Variants in GABRG2 observed in about 807,000 individuals in gnomAD.
The protein encoded by GABRG2 is gamma-aminobutyric acid receptor subunit gamma-2.
GABRG2 carries 16 observed loss-of-function variants against 56.4 expected under a neutral mutation model. The ratio of observed to expected loss-of-function variants is 0.28; its 90% confidence interval spans 0.19 to 0.43. The LOEUF (loss-of-function observed/expected upper bound fraction) is 0.43, where lower values mean the gene tolerates loss of function less well. GABRG2 is among the 20% of genes least tolerant of loss of function. GABRG2 has a pLI of 1.00. For missense variants in GABRG2, 327 were observed against 582.7 expected (o/e 0.56, Z 4.52); for synonymous variants, 208 against 205.5 (o/e 1.01, Z -0.10).
At chr5:162,071,186 C>A (rs916153191) in intron 1 of GABRG2, among the ~76,000 whole-genome samples, 1 of 151,124 alleles carries the variant, frequency 6.6e-6, no homozygotes, top group Non-Finnish European at 1.5e-5. Flanking sequence ...ATATATACCA[C>A]ATATATATGC....
intron 6 of GABRG2, among the ~76,000 whole-genome samples, chr5:162,109,387 A>ATTT (rs1268952377): frequency 1.5e-4 from 8 of 53,720 alleles, no homozygotes; most frequent in African/African-American, 6.0e-4. Context: ...AACTTAAAGT[A>ATTT]TAATATATAT....
At chr5:162,127,826 C>T (rs1200939162) in intron 6 of GABRG2, among the ~76,000 whole-genome samples, 1 of 151,968 alleles carries the variant, frequency 6.6e-6, no homozygotes, top group Non-Finnish European at 1.5e-5. Context: ...AACTGACGAT[C>T]GAAGGATTTC....
intron 6 of GABRG2, among the ~76,000 whole-genome samples, chr5:162,123,402 T>A (rs1419365816): frequency 4.6e-5 from 7 of 151,832 alleles, no homozygotes; most frequent in Admixed American, 4.6e-4. Flanking sequence ...TTTTGCATGA[T>A]GATGGTATTG....
chr5:162,097,224 C>A (rs1356386752), intron 3 of GABRG2, among the ~76,000 whole-genome samples: 2 of 152,092 alleles, frequency 1.3e-5, no homozygotes, highest in Non-Finnish European at 2.9e-5. Context: ...CATTACTTGG[C>A]AGGATTGAGT....
chr5:162,130,205 G>C (rs1763637587), intron 6 of GABRG2, among the ~76,000 whole-genome samples: 1 of 151,806 alleles, frequency 6.6e-6, no homozygotes, highest in African/African-American at 2.4e-5. Context: ...GAATTCCATG[G>C]GGGCAGGGGT....
intron 1 of GABRG2, among the ~76,000 whole-genome samples, chr5:162,086,210 G>A (rs1330837038): frequency 6.6e-6 from 1 of 151,912 alleles, no homozygotes; most frequent in African/African-American, 2.4e-5. Context: ...TGTTACATGG[G>A]CACATATAGA....
At chr5:162,097,377 G>A (rs917466157) in intron 3 of GABRG2, among the ~76,000 whole-genome samples, 2 of 152,148 alleles carry the variant, frequency 1.3e-5, no homozygotes, top group African/African-American at 4.8e-5. Context: ...GACATGGAAA[G>A]TAAAGGATTG....
chr5:162,097,056 C>T (rs1761050032), intron 3 of GABRG2, among the ~76,000 whole-genome samples: 1 of 151,980 alleles, frequency 6.6e-6, no homozygotes, highest in South Asian at 2.1e-4. Flanking sequence ...CTTCATGATC[C>T]CTATTTTAAT....
chr5:162,076,852 A>G (rs1448276723), intron 1 of GABRG2, among the ~76,000 whole-genome samples: 1 of 152,158 alleles, frequency 6.6e-6, no homozygotes, highest in Non-Finnish European at 1.5e-5. Context: ...ATCATATAAC[A>G]AAATTCAACA....
At chr5:162,068,769 CAG>C (rs1438979804) in intron 1 of GABRG2, among the ~76,000 whole-genome samples, 5 of 152,240 alleles carry the variant, frequency 3.3e-5, no homozygotes, top group Non-Finnish European at 7.4e-5. Flanking sequence ...AGGGCATCCA[CAG>C]AGTCAGAGAG....
chr5:162,152,839 G>A (rs1765469040), intron 9 of GABRG2: 2 of 594,904 alleles, frequency 3.4e-6, no homozygotes, highest in Admixed American at 5.9e-5. Context: ...AGTTCTTTTG[G>A]TGTTCAATCT....
chr5:162,100,116 G>T (rs144968221), intron 4 of GABRG2: 2 of 151,958 alleles, frequency 1.3e-5, no homozygotes, highest in Non-Finnish European at 2.9e-5. Context: ...CTCTTGTTAT[G>T]TGACTTTGGA....
intron 9 of GABRG2, 87 bp from the exon 10 acceptor site, chr5:162,153,006 C>G: frequency 6.8e-7 from 1 of 1,475,846 alleles, no homozygotes; most frequent in Non-Finnish European, 9.5e-7. Flanking sequence ...TCAGATTCAT[C>G]ATCACATTGG....
chr5:162,131,660 T>G, intron 6 of GABRG2, among the ~76,000 whole-genome samples: 1 of 152,110 alleles, frequency 6.6e-6, no homozygotes, highest in East Asian at 1.9e-4. Context: ...AGACTAAACT[T>G]ATATAGAATA....
At chr5:162,100,307 A>T (rs1761319291) in intron 4 of GABRG2, 1 of 152,204 alleles carries the variant, frequency 6.6e-6, no homozygotes, top group African/African-American at 2.4e-5. Context: ...AAATTATACT[A>T]ATTAGAAAAT....
At chr5:162,125,104 C>T (rs1216041064) in intron 6 of GABRG2, among the ~76,000 whole-genome samples, 2 of 151,142 alleles carry the variant, frequency 1.3e-5, no homozygotes, top group Non-Finnish European at 3.0e-5. Flanking sequence ...ATAATTATGT[C>T]GGAAAAAATA....
chr5:162,116,850 G>A (rs1762658030), intron 6 of GABRG2, among the ~76,000 whole-genome samples: 1 of 150,526 alleles, frequency 6.6e-6, no homozygotes, highest in East Asian at 1.9e-4. Context: ...ACCTTAGGGA[G>A]GTTGAAAGGA....
intron 6 of GABRG2, among the ~76,000 whole-genome samples, chr5:162,140,903 T>TA (rs1255310726): frequency 2.0e-5 from 3 of 152,222 alleles, no homozygotes; most frequent in Admixed American, 6.5e-5. Context: ...ATCATGACTT[T>TA]AAAAAGAGAC....
intron 2 of GABRG2, chr5:162,094,595 T>G (rs1362439573): frequency 6.5e-6 from 1 of 154,458 alleles, no homozygotes; most frequent in Non-Finnish European, 1.4e-5. Flanking sequence ...ACTGGCACAC[T>G]CGCTTTTGTA....
Sources: allele counts gnomAD v4.1 joint callset (sites outside exome capture counted in the v4.1 genomes callset), GRCh38; gene constraint gnomAD v4.1.1; transcripts MANE v1.5; gene names NCBI Gene and HGNC (gene_info 2026-07-23, HGNC 2026-07-21).